Variants in FGFR1OP2 observed in about 807,000 individuals in gnomAD.
The protein encoded by FGFR1OP2 is FGFR1 oncogene partner 2.
Under a neutral mutation model 35.2 loss-of-function variants are expected in FGFR1OP2, and 17 were observed. The ratio of observed to expected loss-of-function variants is 0.48; its 90% CI spans 0.33 to 0.73. FGFR1OP2 has a LOEUF of 0.73. FGFR1OP2 is among the 30% of genes least tolerant of loss of function. The pLI, the probability that FGFR1OP2 is intolerant of heterozygous loss-of-function variation, is 0.02. For missense variants in FGFR1OP2, 251 were observed against 307.3 expected (o/e 0.82, Z 1.37); for synonymous variants, 105 against 104.6 (o/e 1.00, Z -0.03).
At chr12:26,959,115 TG>T (rs1352411532) in intron 4 of FGFR1OP2, among the ~76,000 whole-genome samples, 2 of 152,128 alleles carry the variant, frequency 1.3e-5, no homozygotes, top group East Asian at 3.8e-4. Context: ...GCTCTTTATA[TG>T]CCTTTATTAT....
rs1283444878 is a variant in FGFR1OP2, at chr12:26,960,644, A to T, written c.510+16A>T. 1 of 1,606,700 alleles carries T rather than the reference A, an allele frequency of 6.2e-7. No individual in the cohort carries two copies. The highest frequency in any genetic ancestry group is 8.5e-7 in the Non-Finnish European group (1 of 1,175,712). On this transcript the variant is annotated intron_variant, in intron 5 of 6. Transcript: ENST00000229395. ...AAATCAGAATGTACACTAAATAAAC[A>T]GTCAACTTTTGGGGTGTGGATGGAA...
chr12:26,944,090 G>C (rs921366851), intron 1 of FGFR1OP2, among the ~76,000 whole-genome samples: 3 of 151,722 alleles, frequency 2.0e-5, no homozygotes, highest in Admixed American at 6.6e-5. Context: ...CCATTTGTTT[G>C]TTGCCAGTAT....
At chr12:26,962,970 A>T in intron 5 of FGFR1OP2, 1 of 157,712 alleles carries the variant, frequency 6.3e-6, no homozygotes, top group East Asian at 1.8e-4. Flanking sequence ...TGAAGACTTC[A>T]GGGAGGAAAA....
At chr12:26,947,322 A>G (rs1233853112) in intron 1 of FGFR1OP2, among the ~76,000 whole-genome samples, 2 of 152,150 alleles carry the variant, frequency 1.3e-5, no homozygotes, top group African/African-American at 4.8e-5. Context: ...CATTTCAGTG[A>G]TGGCTAGTTA....
intron 1 of FGFR1OP2, among the ~76,000 whole-genome samples, chr12:26,951,898 A>G (rs965966641): frequency 4.6e-5 from 7 of 152,200 alleles, no homozygotes; most frequent in African/African-American, 1.7e-4. Context: ...TAGGACTGTT[A>G]GAGAGTTCTA....
chr12:26,944,992 T>C (rs1723910379), intron 1 of FGFR1OP2, among the ~76,000 whole-genome samples: 1 of 152,238 alleles, frequency 6.6e-6, no homozygotes, highest in South Asian at 2.1e-4. Flanking sequence ...ATCCAATTCA[T>C]GTGTATGGAA....
chr12:26,948,411 C>T (rs548414695), intron 1 of FGFR1OP2, among the ~76,000 whole-genome samples: 1 of 152,174 alleles, frequency 6.6e-6, no homozygotes, highest in East Asian at 1.9e-4. Context: ...CATATTTTTG[C>T]TGGATATAGA....
chr12:26,940,755 C>T (rs1408458095), intron 1 of FGFR1OP2, among the ~76,000 whole-genome samples: 1 of 152,182 alleles, frequency 6.6e-6, no homozygotes, highest in East Asian at 1.9e-4. Flanking sequence ...AGTAAACATT[C>T]ATTGATCTTA....
intron 1 of FGFR1OP2, among the ~76,000 whole-genome samples, chr12:26,944,466 G>A (rs1258382262): frequency 6.6e-6 from 1 of 152,160 alleles, no homozygotes; most frequent in Non-Finnish European, 1.5e-5. Flanking sequence ...TATTATGAAA[G>A]TATGCGGAAT....
intron 3 of FGFR1OP2, among the ~76,000 whole-genome samples, chr12:26,957,371 T>C (rs911281909): frequency 2.0e-5 from 3 of 152,232 alleles, no homozygotes; most frequent in Non-Finnish European, 2.9e-5. Context: ...TTGGCCGATA[T>C]TAATTGCTGT....
intron 1 of FGFR1OP2, among the ~76,000 whole-genome samples, chr12:26,950,069 A>G (rs181569369): frequency 4.6e-5 from 7 of 152,268 alleles, no homozygotes; most frequent in African/African-American, 1.4e-4. Context: ...AGGCTTTTGC[A>G]TAAGGACATT....
intron 3 of FGFR1OP2, among the ~76,000 whole-genome samples, chr12:26,957,034 C>A (rs1284267783): frequency 2.0e-5 from 3 of 152,180 alleles, no homozygotes; most frequent in Non-Finnish European, 2.9e-5. Flanking sequence ...ATACTTATTA[C>A]CTTTTACAGG....
At chr12:26,940,157 A>C (rs1197291321) in intron 1 of FGFR1OP2, among the ~76,000 whole-genome samples, 3 of 152,230 alleles carry the variant, frequency 2.0e-5, no homozygotes, top group African/African-American at 7.2e-5. Context: ...CAACTCTTCT[A>C]CTGACTCCTT....
intron 2 of FGFR1OP2, among the ~76,000 whole-genome samples, chr12:26,955,917 G>T (rs1939010740): frequency 6.6e-6 from 1 of 152,178 alleles, no homozygotes; most frequent in African/African-American, 2.4e-5. Context: ...AAGCAGCTAT[G>T]CCAAGCTTGT....
chr12:26,948,417 A>G (rs1484521272), intron 1 of FGFR1OP2, among the ~76,000 whole-genome samples: 1 of 152,198 alleles, frequency 6.6e-6, no homozygotes, highest in Non-Finnish European at 1.5e-5. Flanking sequence ...TTTGCTGGAT[A>G]TAGAATTTTG....
At chr12:26,950,928 G>A (rs1206260969) in intron 1 of FGFR1OP2, among the ~76,000 whole-genome samples, 1 of 152,190 alleles carries the variant, frequency 6.6e-6, no homozygotes, top group Non-Finnish European at 1.5e-5. Context: ...GTTACACAGT[G>A]AATGGTAATA....
chr12:26,940,840 C>T (rs942704335), intron 1 of FGFR1OP2, among the ~76,000 whole-genome samples: 1 of 151,856 alleles, frequency 6.6e-6, no homozygotes, highest in Non-Finnish European at 1.5e-5. Flanking sequence ...AAATTTTTTT[C>T]GTCTTTAATT....
chr12:26,952,427 A>G (rs557679381), intron 1 of FGFR1OP2, among the ~76,000 whole-genome samples: 3 of 152,050 alleles, frequency 2.0e-5, no homozygotes, highest in Admixed American at 1.3e-4. Context: ...ATTTTCAAGC[A>G]TCCTTATCTA....
chr12:26,954,387 T>G, intron 2 of FGFR1OP2, 94 bp downstream of exon 2: 2 of 1,418,208 alleles, frequency 1.4e-6, no homozygotes, highest in Non-Finnish European at 1.9e-6. Flanking sequence ...TTTTTCAACA[T>G]TCTCTAAAAT....
Sources: allele counts gnomAD v4.1 joint callset (sites outside exome capture counted in the v4.1 genomes callset), GRCh38; gene constraint gnomAD v4.1.1; transcripts MANE v1.5; gene names NCBI Gene and HGNC (gene_info 2026-07-23, HGNC 2026-07-21).